The following ERBB4 variants were observed in gnomAD, a reference collection of about 807,000 sequenced individuals.
ERBB4 encodes the protein receptor tyrosine-protein kinase erbB-4.
In ERBB4, 42 loss-of-function variants were observed where a neutral mutation model predicts 158.0. The ratio of observed to expected loss-of-function variants is 0.27; its 90% CI spans 0.21 to 0.34. The LOEUF is 0.34. Ranked by LOEUF, ERBB4 falls within the 10% of genes least tolerant of loss-of-function variation. The probability of loss-of-function intolerance (pLI) is 1.00; values close to 1 mark genes in which losing one functional copy is unlikely to be tolerated. For synonymous variants in ERBB4, 583 were observed against 558.7 expected (o/e 1.04, Z -0.61); for missense variants, 1,333 against 1,624.1 (o/e 0.82, Z 3.08).
chr2:211,758,340 T>C (rs1266029355), intron 4 of ERBB4, among the ~76,000 whole-genome samples: 1 of 152,198 alleles, frequency 6.6e-6, no homozygotes, highest in Non-Finnish European at 1.5e-5. Context: ...CATTAAAAGG[T>C]CTTAATGCTT....
intron 1 of ERBB4, among the ~76,000 whole-genome samples, chr2:212,159,164 A>G (rs527742507): frequency 1.6e-4 from 24 of 152,076 alleles, no homozygotes; most frequent in African/African-American, 5.8e-4. Context: ...ACATGGACTT[A>G]GAAACACTTT....
intron 1 of ERBB4, among the ~76,000 whole-genome samples, chr2:212,515,170 C>G (rs909788190): frequency 6.6e-6 from 1 of 152,086 alleles, no homozygotes; most frequent in African/African-American, 2.4e-5. Context: ...TTTGACTACA[C>G]AGAACACAGA....
chr2:212,329,015 T>A (rs1007859194), intron 1 of ERBB4, among the ~76,000 whole-genome samples: 2 of 152,060 alleles, frequency 1.3e-5, no homozygotes, highest in African/African-American at 4.8e-5. Context: ...TGCCTTATGT[T>A]TATCCCATTT....
At chr2:211,488,239 A>G (rs1574591171) in intron 20 of ERBB4, among the ~76,000 whole-genome samples, 1 of 152,246 alleles carries the variant, frequency 6.6e-6, no homozygotes, top group African/African-American at 2.4e-5. Context: ...GCTACACAGA[A>G]ACTATCCTGA....
At chr2:211,456,156 T>A (rs1283431403) in intron 20 of ERBB4, among the ~76,000 whole-genome samples, 1 of 152,216 alleles carries the variant, frequency 6.6e-6, no homozygotes, top group Non-Finnish European at 1.5e-5. Context: ...TCTACTGTTT[T>A]TTCATTTGTT....
intron 2 of ERBB4, among the ~76,000 whole-genome samples, chr2:212,079,098 T>A (rs1019998740): frequency 2.0e-5 from 3 of 151,082 alleles, no homozygotes; most frequent in African/African-American, 7.3e-5. Context: ...TCTTTTTTGA[T>A]GTTAGATATA....
chr2:211,655,667 C>T (rs2071184794), intron 16 of ERBB4, among the ~76,000 whole-genome samples: 1 of 152,168 alleles, frequency 6.6e-6, no homozygotes, highest in Admixed American at 6.5e-5. Flanking sequence ...GCTGATAATG[C>T]AGTTGCTCTG....
intron 1 of ERBB4, among the ~76,000 whole-genome samples, chr2:212,145,492 TAA>T (rs752371614): frequency 1.1e-4 from 16 of 152,228 alleles, no homozygotes; most frequent in South Asian, 4.1e-4. Context: ...CCAGAAAAGC[TAA>T]AGAGAAAGGG....
chr2:211,856,105 A>C (rs2077852460), intron 3 of ERBB4, among the ~76,000 whole-genome samples: 1 of 152,180 alleles, frequency 6.6e-6, no homozygotes, highest in Admixed American at 6.5e-5. Context: ...ATACTTCTTA[A>C]ATATTATACC....
At chr2:212,229,078 G>A (rs1435496053) in intron 1 of ERBB4, among the ~76,000 whole-genome samples, 2 of 152,202 alleles carry the variant, frequency 1.3e-5, no homozygotes, top group Admixed American at 6.5e-5. Context: ...TGGGAAGAGA[G>A]AGAGACAGAG....
chr2:212,237,084 C>G (rs1227781410), intron 1 of ERBB4, among the ~76,000 whole-genome samples: 1 of 152,040 alleles, frequency 6.6e-6, no homozygotes. Context: ...GAAATCTTTC[C>G]TGCTTTCTCC....
chr2:212,359,013 C>T (rs531852334), intron 1 of ERBB4, among the ~76,000 whole-genome samples: 23 of 151,792 alleles, frequency 1.5e-4, no homozygotes, highest in Non-Finnish European at 2.7e-4. Flanking sequence ...TCATTTAAAA[C>T]TGATTATGAG....
intron 3 of ERBB4, among the ~76,000 whole-genome samples, chr2:211,849,447 C>T (rs900945684): frequency 1.3e-5 from 2 of 151,510 alleles, no homozygotes; most frequent in Non-Finnish European, 3.0e-5. Context: ...ACAGTAGTAC[C>T]CAATTATTAT....
At chr2:212,129,922 C>G (rs1161016812) in intron 1 of ERBB4, among the ~76,000 whole-genome samples, 2 of 151,932 alleles carry the variant, frequency 1.3e-5, no homozygotes, top group African/African-American at 2.4e-5. Flanking sequence ...TAAATTTTAT[C>G]TTGAAAGACA....
intron 1 of ERBB4, among the ~76,000 whole-genome samples, chr2:212,225,227 C>T (rs992940545): frequency 6.6e-6 from 1 of 151,942 alleles, no homozygotes; most frequent in African/African-American, 2.4e-5. Context: ...ATAAATCCAA[C>T]TAAAATTAGA....
intron 25 of ERBB4, among the ~76,000 whole-genome samples, chr2:211,394,451 T>A (rs112430324): frequency 6.6e-5 from 10 of 152,240 alleles, no homozygotes; most frequent in African/African-American, 2.4e-4. Context: ...TAATTGAACC[T>A]TTTCCTCATG....
chr2:212,428,426 C>T (rs761904330), intron 1 of ERBB4, among the ~76,000 whole-genome samples: 6 of 151,816 alleles, frequency 4.0e-5, no homozygotes, highest in Non-Finnish European at 8.8e-5. Context: ...GTTTTTGAAA[C>T]CTAAACCAGG....
At chr2:212,512,668 A>T (rs556886572) in intron 1 of ERBB4, among the ~76,000 whole-genome samples, 1 of 152,174 alleles carries the variant, frequency 6.6e-6, no homozygotes, top group South Asian at 2.1e-4. Context: ...CATTCTGCAT[A>T]TATCACCGAC....
chr2:212,509,879 C>T lies in ERBB4; in HGVS notation c.82+28570G>A, dbSNP rs183121592. Among the ~76,000 whole-genome samples, 561 of 151,816 alleles carry T rather than the reference C, an allele frequency of 3.7e-3. 5 individuals carry two copies. Among genetic ancestry groups the T allele is most frequent in the African/African-American group, 0.013 (532 of 41,490 alleles). On this transcript the variant is annotated intron_variant, in intron 1 of 27. Transcript: ENST00000342788. ...CATTTTCATTAGTGCTTATCTAATC[C>T]TTATGAAATATTTTATTAAATTTGT...
Sources: allele counts gnomAD v4.1 joint callset (sites outside exome capture counted in the v4.1 genomes callset), GRCh38; gene constraint gnomAD v4.1.1; transcripts MANE v1.5; gene names NCBI Gene and HGNC (gene_info 2026-07-23, HGNC 2026-07-21).